CTBP2: variants seen among roughly 807,000 people sequenced by gnomAD.
CTBP2 encodes the protein C-terminal-binding protein 2.
In CTBP2, 30 loss-of-function variants were observed where a neutral mutation model predicts 80.3. The observed-to-expected ratio is 0.37, with a 90% CI of 0.28 to 0.51. The LOEUF (loss-of-function observed/expected upper bound fraction) is 0.51, where lower values mean the gene tolerates loss of function less well. Among genes scored for constraint, CTBP2 ranks in the 20% least tolerant of loss-of-function variants. CTBP2 has a pLI of 0.93. For missense variants in CTBP2, 1,212 were observed against 1,375.3 expected (o/e 0.88, Z 1.88); for synonymous variants, 594 against 587.4 (o/e 1.01, Z -0.16).
At chr10:125,135,927 A>C (rs561986210) in intron 1 of CTBP2, among the ~76,000 whole-genome samples, 1 of 152,096 alleles carries the variant, frequency 6.6e-6, no homozygotes, top group Non-Finnish European at 1.5e-5. Flanking sequence ...CGAAGTTAGG[A>C]CTTACCTGAT....
At chr10:125,015,394 G>T (rs549896685) in intron 1 of CTBP2, among the ~76,000 whole-genome samples, 1 of 152,348 alleles carries the variant, frequency 6.6e-6, no homozygotes, top group Non-Finnish European at 1.5e-5. Context: ...AAAAATCAGT[G>T]ACAACCCCAC....
intron 1 of CTBP2, among the ~76,000 whole-genome samples, chr10:125,130,153 T>C (rs552598527): frequency 1.3e-5 from 2 of 152,030 alleles, no homozygotes; most frequent in Non-Finnish European, 1.5e-5. Context: ...GTTCAAGTGA[T>C]TCTCCTGCCT....
chr10:125,038,117 A>G (rs1959068846), intron 3 of CTBP2, among the ~76,000 whole-genome samples: 1 of 152,218 alleles, frequency 6.6e-6, no homozygotes, highest in Non-Finnish European at 1.5e-5. Context: ...CAGAATGTCT[A>G]TGATGTCCCC....
At chr10:125,079,294 G>C (rs755131647) in intron 2 of CTBP2, among the ~76,000 whole-genome samples, 1 of 152,078 alleles carries the variant, frequency 6.6e-6, no homozygotes, top group Non-Finnish European at 1.5e-5. Context: ...AGGGCACAGC[G>C]CCTTTCACAG....
intron 2 of CTBP2, among the ~76,000 whole-genome samples, chr10:125,060,963 G>A (rs1055943557): frequency 6.6e-6 from 1 of 152,202 alleles, no homozygotes; most frequent in Non-Finnish European, 1.5e-5. Flanking sequence ...GGAATCTTCC[G>A]GTCGGCCCCA....
chr10:125,152,036 ACCGCGG>A (rs1860034213), intron 1 of CTBP2, among the ~76,000 whole-genome samples: 1 of 149,932 alleles, frequency 6.7e-6, no homozygotes, highest in African/African-American at 2.4e-5. Context: ...GGTGTCAGAT[ACCGCGG>A]CCCGCGGAGG....
At chr10:125,024,648 A>G (rs931764613) in intron 1 of CTBP2, among the ~76,000 whole-genome samples, 1 of 152,344 alleles carries the variant, frequency 6.6e-6, no homozygotes, top group Non-Finnish European at 1.5e-5. Context: ...TTAGCAACAC[A>G]TAATTAAGGA....
upstream of CTBP2, among the ~76,000 whole-genome samples, chr10:125,029,389 G>GCACC (rs1957963424): frequency 6.6e-6 from 1 of 152,030 alleles, no homozygotes; most frequent in East Asian, 1.9e-4. Context: ...TTACAGGTGT[G>GCACC]CACCACCACA....
At chr10:125,122,217 C>T (rs1056097422) in intron 1 of CTBP2, among the ~76,000 whole-genome samples, 5 of 152,208 alleles carry the variant, frequency 3.3e-5, no homozygotes, top group East Asian at 1.9e-4. Context: ...ACTGCTCAGC[C>T]GCATTTCTGC....
At chr10:125,037,463 T>A (rs1321680198) in intron 3 of CTBP2, among the ~76,000 whole-genome samples, 1 of 152,080 alleles carries the variant, frequency 6.6e-6, no homozygotes, top group Non-Finnish European at 1.5e-5. Context: ...ACCTTTACAG[T>A]GGAAGTCAAG....
chr10:125,064,129 T>C (rs1165053974), intron 2 of CTBP2, among the ~76,000 whole-genome samples: 1 of 152,194 alleles, frequency 6.6e-6, no homozygotes, highest in Non-Finnish European at 1.5e-5. Context: ...CTTATATATA[T>C]GGTGTGGAAG....
chr10:125,020,714 C>T (rs139744949), intron 1 of CTBP2, among the ~76,000 whole-genome samples: 13 of 152,300 alleles, frequency 8.5e-5, no homozygotes, highest in Admixed American at 3.3e-4. Context: ...CCAGATGCGG[C>T]GAGGAGCCCA....
chr10:125,024,365 A>C (rs547351967), intron 1 of CTBP2, among the ~76,000 whole-genome samples: 22 of 152,336 alleles, frequency 1.4e-4, no homozygotes, highest in Admixed American at 1.4e-3. Context: ...CTTCCCTGGC[A>C]CTGGCTCGCT....
At chr10:124,993,065 A>C in intron 7 of CTBP2, 137 bp downstream of exon 9, 8 of 1,076,954 alleles carry the variant, frequency 7.4e-6, no homozygotes, top group South Asian at 1.7e-5. Flanking sequence ...GTAAATAAAC[A>C]GGGCCCAACT....
At position 124,989,713 on chromosome 10, in the gene CTBP2, G is replaced by A. The variant is rs748544110; in HGVS notation, c.2778-15C>T. 1.3e-6 allele frequency: 2 copies of A among 1,546,250 alleles called. No individual in the cohort carries two copies. Among genetic ancestry groups the A allele is most frequent in the Admixed American group, 2.0e-5 (1 of 50,828 alleles). ...CTGGCGGATATCTAAGGAACACACA[G>A]AAATAGGGCCTTGTAAGTTCAGGGC... On this transcript the variant is annotated splice_polypyrimidine_tract_variant and intron_variant, in intron 8 of 8. Transcript: ENST00000309035.
chr10:125,126,922 C>T (rs910589674), intron 1 of CTBP2, among the ~76,000 whole-genome samples: 7 of 148,870 alleles, frequency 4.7e-5, no homozygotes, highest in Admixed American at 3.3e-4. Flanking sequence ...TACACACACA[C>T]ATTCTCTCTC....
chr10:125,024,792 G>A (rs963326816), intron 1 of CTBP2, among the ~76,000 whole-genome samples: 1 of 152,156 alleles, frequency 6.6e-6, no homozygotes. Context: ...ACAGGCCCTC[G>A]GAAAAATTAT....
At position 124,986,963 on chromosome 10, in the gene CTBP2, CTAT is replaced by C. The variant is rs72323735; in HGVS notation, c.*2552_*2554del. 13,536 of 152,470 alleles carry C rather than the reference CTAT, an allele frequency of 0.089. 743 individuals carry two copies. The highest frequency in any genetic ancestry group is 0.16 in the Admixed American group (2,458 of 15,272). The allele number at this position is 152,470 out of a possible 1,614,324, so 9.4% of individuals were successfully genotyped here. On this transcript the variant is annotated 3_prime_UTR_variant, in exon 9 of 9. Transcript: ENST00000309035. Reference sequence around the variant, plus strand: ...GTGAGTGTTGTTTCCCCTGAGCGCTCTATTATTTATTTATTTATTATCAATCAG... The same window carrying C: ...GTGAGTGTTGTTTCCCCTGAGCGCTCTATTTATTTATTTATTATCAATCAG...
At chr10:125,138,950 A>G (rs1004823545) in intron 1 of CTBP2, among the ~76,000 whole-genome samples, 4 of 152,228 alleles carry the variant, frequency 2.6e-5, no homozygotes, top group African/African-American at 4.8e-5. Flanking sequence ...TTCCTGGGAA[A>G]GTCACTGAGC....
Sources: gnomAD v4.1 joint callset for allele counts (sites outside exome capture counted in the v4.1 genomes callset) on GRCh38, gnomAD v4.1.1 for gene constraint, MANE v1.5 for transcripts, NCBI Gene and HGNC (gene_info 2026-07-23, HGNC 2026-07-21) for gene names.